KCTD1: variants seen among roughly 807,000 people sequenced by gnomAD.
KCTD1 encodes the protein potassium channel tetramerization domain containing 1.
KCTD1 carries 24 observed loss-of-function variants against 66.0 expected under a neutral mutation model. That is an observed-to-expected ratio of 0.36 (90% CI 0.26 to 0.51). The LOEUF is 0.51. Ranked by LOEUF, KCTD1 falls within the 20% of genes least tolerant of loss-of-function variation. KCTD1 has a pLI of 0.95. For missense variants in KCTD1, 943 were observed against 1,205.2 expected (o/e 0.78, Z 3.22); for synonymous variants, 511 against 517.2 (o/e 0.99, Z 0.16).
chr18:26,630,729 A>G (rs1430618955), upstream of KCTD1, among the ~76,000 whole-genome samples: 2 of 152,234 alleles, frequency 1.3e-5, no homozygotes, highest in Non-Finnish European at 2.9e-5. Flanking sequence ...AAGGAAAAGT[A>G]CTTGTGTGGT....
intron 1 of KCTD1, among the ~76,000 whole-genome samples, chr18:26,565,214 C>T (rs1985955055): frequency 6.6e-6 from 1 of 152,218 alleles, no homozygotes; most frequent in African/African-American, 2.4e-5. Flanking sequence ...CAGATCATCT[C>T]TATCTCTGGC....
intron 1 of KCTD1, among the ~76,000 whole-genome samples, chr18:26,596,593 G>C (rs961789945): frequency 6.6e-6 from 1 of 152,218 alleles, no homozygotes; most frequent in Non-Finnish European, 1.5e-5. Context: ...AATTCAGATA[G>C]ATTTGCATTT....
intron 1 of KCTD1, among the ~76,000 whole-genome samples, chr18:26,524,865 A>C (rs1984081949): frequency 1.3e-5 from 2 of 152,216 alleles, no homozygotes; most frequent in Non-Finnish European, 2.9e-5. Flanking sequence ...ATCTAAAGGC[A>C]CAAACCGCAT....
chr18:26,504,333 G>A (rs1230549270), intron 1 of KCTD1, among the ~76,000 whole-genome samples: 3 of 152,116 alleles, frequency 2.0e-5, no homozygotes, highest in Non-Finnish European at 4.4e-5. Context: ...AGGCTCAAGC[G>A]ATTCTCCAGC....
At chr18:26,473,468 CTAGGTGATAGGTTGA>C (rs1360612294) in intron 3 of KCTD1, among the ~76,000 whole-genome samples, 1 of 151,940 alleles carries the variant, frequency 6.6e-6, no homozygotes, top group Non-Finnish European at 1.5e-5. Flanking sequence ...GGCTTAATAC[CTAGGTGATAGGTTGA>C]TAGGTGCAGC....
chr18:26,578,404 T>C lies in KCTD1; in HGVS notation c.-16+50743A>G, dbSNP rs148685593. ...TCTATCAAGGATTTGAAATTGCTTGTATCATAAACTATTGTTAGTATTTGC... is the reference window on the plus strand; with the variant it reads ...TCTATCAAGGATTTGAAATTGCTTGCATCATAAACTATTGTTAGTATTTGC... On this transcript the variant is annotated intron_variant, in intron 1 of 4. Coordinates refer to the KCTD1 transcript ENST00000317932. 2.3e-3 allele frequency among the ~76,000 whole-genome samples: 346 copies of C among 152,348 alleles called. 1 individual carries two copies. Among genetic ancestry groups the C allele is most frequent in the African/African-American group, 7.9e-3 (330 of 41,568 alleles).
intron 3 of KCTD1, among the ~76,000 whole-genome samples, chr18:26,470,200 G>T (rs1980977727): frequency 6.6e-6 from 1 of 152,138 alleles, no homozygotes. Context: ...GACAGATGCT[G>T]CTGGCTAGCT....
chr18:26,505,727 A>G (rs536997970), intron 1 of KCTD1, among the ~76,000 whole-genome samples: 1 of 151,464 alleles, frequency 6.6e-6, no homozygotes, highest in South Asian at 2.1e-4. Flanking sequence ...TGGCCAACTA[A>G]TAACATTTTT....
chr18:26,455,601 G>T lies in KCTD1; in HGVS notation c.*142C>A. The T allele has an allele frequency of 1.1e-6, 1 of 869,598 alleles. No individual in the cohort carries two copies. Among genetic ancestry groups the T allele is most frequent in the East Asian group, 2.5e-5 (1 of 39,834 alleles). 53.9% of individuals were successfully genotyped at this position (869,598 alleles called of 1,614,324 possible). ...TTGTTCCCATATGAATACAGGTGTG[G>T]TCTCTATTGGATATAAATGTGTCTT... On this transcript the variant is annotated 3_prime_UTR_variant, in exon 5 of 5. Coordinates refer to ENST00000580059, the MANE Select transcript of KCTD1 (RefSeq NM_001142730.3).
At chr18:26,656,609 A>C (rs1273552475) in intron 1 of KCTD1, among the ~76,000 whole-genome samples, 1 of 146,090 alleles carries the variant, frequency 6.8e-6, no homozygotes, top group Non-Finnish European at 1.5e-5. Context: ...CCCGGGCAAA[A>C]GGGGGAAGGA....
At chr18:26,500,286 G>A (rs946003664) in intron 2 of KCTD1, among the ~76,000 whole-genome samples, 12 of 151,700 alleles carry the variant, frequency 7.9e-5, no homozygotes, top group Non-Finnish European at 1.6e-4. Flanking sequence ...TGGGCATGGG[G>A]GCATGCACCT....
At chr18:26,653,796 C>A (rs989511205) in intron 1 of KCTD1, among the ~76,000 whole-genome samples, 2 of 152,146 alleles carry the variant, frequency 1.3e-5, no homozygotes, top group Non-Finnish European at 2.9e-5. Flanking sequence ...AAAGCCAGAG[C>A]GAGTTGTGTC....
At chr18:26,619,602 G>T (rs763690809) in intron 1 of KCTD1, among the ~76,000 whole-genome samples, 9 of 152,162 alleles carry the variant, frequency 5.9e-5, no homozygotes, top group Non-Finnish European at 1.2e-4. Context: ...AGCTATTCAG[G>T]TCTCATTTTT....
In KCTD1 at chr18:26,657,243, G is replaced by A. The variant is rs965768610; in HGVS notation, c.9+117C>T. Reference sequence around the variant, plus strand: ...GCCCGCCGCGGCGGGCGGCGTGTGTGCGAGTGTGCCGCGCTCTCGCCCCAT... The same window carrying A: ...GCCCGCCGCGGCGGGCGGCGTGTGTACGAGTGTGCCGCGCTCTCGCCCCAT... On this transcript the variant is annotated intron_variant, in intron 1 of 4. Transcript: ENST00000580191. 1.1e-5 allele frequency: 9 copies of A among 789,796 alleles called. No homozygotes were observed. In the African/African-American group the frequency reaches 1.5e-4, roughly 13 times the overall value. The allele number at this position is 789,796 out of a possible 1,614,324, so 48.9% of individuals were successfully genotyped here. A position where few individuals can be genotyped will look rare whatever the true frequency, so the allele number is the denominator to read the frequency against.
rs776108957 is a variant in KCTD1, at chr18:26,489,502, C to A, written c.1988+11570G>T. On this transcript the variant is annotated intron_variant, in intron 2 of 4. Coordinates refer to ENST00000580059, the MANE Select transcript of KCTD1 (RefSeq NM_001142730.3). ...AGCTTCAAGCAATCCTCCTGCCTGG[C>A]CTCCCAAAGTGTAGGGATTACAGGC... 7.2e-5 allele frequency among the ~76,000 whole-genome samples: 11 copies of A among 152,286 alleles called. No homozygotes were observed. The South Asian group carries it at 1.7e-3, about 23-fold the overall frequency.
chr18:26,558,680 T>G (rs1221615987), intron 1 of KCTD1, among the ~76,000 whole-genome samples: 1 of 152,062 alleles, frequency 6.6e-6, no homozygotes, highest in African/African-American at 2.4e-5. Context: ...TCCCAGCACT[T>G]TGGGAGGCTG....
chr18:26,555,241 C>T (rs148229637), intron 1 of KCTD1, among the ~76,000 whole-genome samples: 15 of 152,228 alleles, frequency 9.9e-5, no homozygotes, highest in African/African-American at 3.6e-4. Context: ...AAAACAAATA[C>T]GAACTTAAAC....
intron 1 of KCTD1, among the ~76,000 whole-genome samples, chr18:26,602,434 C>G (rs1054028732): frequency 6.6e-6 from 1 of 152,146 alleles, no homozygotes; most frequent in African/African-American, 2.4e-5. Flanking sequence ...ATTTTGTTAT[C>G]AGGGTAATGC....
Position 26,532,261 on chromosome 18 carries a change from C to CTTTTTTTTTTTTTTTTTTTTTTTTT in KCTD1, c.1809+14442_1809+14466dup, listed in dbSNP as rs533359603. On this transcript the variant is annotated intron_variant, in intron 1 of 4. Coordinates refer to ENST00000580059, the MANE Select transcript of KCTD1 (RefSeq NM_001142730.3). Reference sequence around the variant, plus strand: ...CTTTTTCTTTTTCTTTTCTTTCCTTCTTTTTTTTTTTTTTTTTTTTTTTTT... The same window carrying CTTTTTTTTTTTTTTTTTTTTTTTTT: ...CTTTTTCTTTTTCTTTTCTTTCCTTCTTTTTTTTTTTTTTTTTTTTTTTTTTTTTTTTTTTTTTTTTTTTTTTTTT... Among the ~76,000 whole-genome samples the CTTTTTTTTTTTTTTTTTTTTTTTTT allele has an allele frequency of 4.7e-4, 14 of 29,554 alleles. 2 individuals carry two copies. The highest frequency in any genetic ancestry group is 8.5e-4 in the African/African-American group (13 of 15,370). The allele number at this position is 29,554 out of a possible 152,430, so 19.4% of individuals were successfully genotyped here. A position where few individuals can be genotyped will look rare whatever the true frequency, so the allele number is the denominator to read the frequency against.
Sources: allele counts gnomAD v4.1 joint callset (sites outside exome capture counted in the v4.1 genomes callset), GRCh38; gene constraint gnomAD v4.1.1; transcripts MANE v1.5; gene names NCBI Gene and HGNC (gene_info 2026-07-23, HGNC 2026-07-21).